Variants in MRPL30 observed in about 807,000 individuals in gnomAD.
The protein encoded by MRPL30 is mitochondrial ribosomal protein L30.
MRPL30 carries 10 observed loss-of-function variants against 17.2 expected under a neutral mutation model. The observed-to-expected ratio is 0.58, with a 90% CI of 0.36 to 0.99. MRPL30 has a LOEUF of 0.99. Ranked by LOEUF, MRPL30 falls within the 50% of genes least tolerant of loss-of-function variation. The probability of loss-of-function intolerance (pLI) is 0.01; values close to 1 mark genes in which losing one functional copy is unlikely to be tolerated. For synonymous variants in MRPL30, 61 were observed against 62.1 expected, an observed-to-expected ratio of 0.98 and a Z score of 0.08; for missense variants, 170 against 189.8, an observed-to-expected ratio of 0.90 and a Z score of 0.61.
In MRPL30 at chr2:99,195,637, A is replaced by G; in HGVS notation, c.418A>G (p.Lys140Glu). ...GGAGAACATGTCTAACACGTGCCTC[A>G]AAAGCACTGGGGAGTTAGTAGTGCA... ...AEENMSNTCL[K>E]STGELVVQWH... The change falls in exon 6 of 6, where the codon AAA becomes GAA. Residue 140 changes from lysine (K) to glutamate (E), a missense_variant. Physicochemically the swap from Lys to Glu is moderately conservative, Grantham distance 56 (BLOSUM62 1). Transcript: ENST00000338148. The G allele has an allele frequency of 1.2e-6, 2 of 1,613,730 alleles. No homozygotes were observed. Among genetic ancestry groups the G allele is most frequent in the Non-Finnish European group, 1.7e-6 (2 of 1,179,934 alleles).
chr2:99,186,991 C>T (rs1050270861), intron 2 of MRPL30: 15 of 152,324 alleles, frequency 9.8e-5, no homozygotes, highest in African/African-American at 3.4e-4. Context: ...AGCCTATTGA[C>T]CTGCTCCTGG....
rs536625959 is a variant in MRPL30, at chr2:99,191,248, A to G, written c.132+2991A>G. Reference sequence around the variant, plus strand: ...TCTTGATCTCCTGACCTCGTGATCCACCCCCCTTGGCCTCCCAAAGTGCTG... The same window carrying G: ...TCTTGATCTCCTGACCTCGTGATCCGCCCCCCTTGGCCTCCCAAAGTGCTG... On this transcript the variant is annotated intron_variant, in intron 3 of 5. Transcript: ENST00000338148. Among the ~76,000 whole-genome samples the G allele has an allele frequency of 2.0e-4, 30 of 150,804 alleles. No homozygotes were observed. The South Asian group carries it at 3.1e-3, about 16-fold the overall frequency.
At chr2:99,187,616 G>C (rs1274363256) in intron 2 of MRPL30, among the ~76,000 whole-genome samples, 1 of 152,124 alleles carries the variant, frequency 6.6e-6, no homozygotes, top group Non-Finnish European at 1.5e-5. Flanking sequence ...ACGAGGTCAG[G>C]AGATCGAGAC....
intron 3 of MRPL30, among the ~76,000 whole-genome samples, chr2:99,194,030 T>C (rs2093951203): frequency 8.4e-6 from 1 of 118,684 alleles, no homozygotes; most frequent in African/African-American, 3.1e-5. Flanking sequence ...AGAGCAAGAC[T>C]CCATCTCAAA....
In MRPL30 at chr2:99,196,833, T is replaced by C. The variant is rs1351100734; in HGVS notation, c.*1128T>C. 2 of 152,236 alleles carry C rather than the reference T, an allele frequency of 1.3e-5. No individual in the cohort carries two copies. Among genetic ancestry groups the C allele is most frequent in the African/African-American group, 2.4e-5 (1 of 41,454 alleles). 9.4% of individuals were successfully genotyped at this position (152,236 alleles called of 1,614,324 possible). On this transcript the variant is annotated 3_prime_UTR_variant, in exon 6 of 6. Coordinates refer to ENST00000338148, the MANE Select transcript of MRPL30 (RefSeq NM_145212.4). ...GTGTCTATAAGTACATATGTGGATA[T>C]GGGTTCATTTTATCCCTAAACTTAG...
chr2:99,190,810 A>G lies in MRPL30; in HGVS notation c.132+2553A>G, dbSNP rs374966726. On this transcript the variant is annotated intron_variant, in intron 3 of 5. Coordinates refer to ENST00000338148, the MANE Select transcript of MRPL30 (RefSeq NM_145212.4). Reference sequence around the variant, plus strand: ...ATAGCTAATGCATACTGGGCTTCATACCTAGGTGATGGGTTGATAAGTGTA... The same window carrying G: ...ATAGCTAATGCATACTGGGCTTCATGCCTAGGTGATGGGTTGATAAGTGTA... 5.3e-5 allele frequency among the ~76,000 whole-genome samples: 8 copies of G among 152,220 alleles called. No homozygotes were observed. In the East Asian group the frequency reaches 1.4e-3, roughly 26 times the overall value.
chr2:99,196,038 G>GC lies in MRPL30; in HGVS notation c.*335dup, dbSNP rs1436227839. The GC allele has an allele frequency of 1.1e-4, 29 of 271,884 alleles. No homozygotes were observed. Among genetic ancestry groups the GC allele is most frequent in the Non-Finnish European group, 1.8e-4 (25 of 142,316 alleles). 16.8% of individuals were successfully genotyped at this position (271,884 alleles called of 1,614,324 possible). A position where few individuals can be genotyped will look rare whatever the true frequency, so the allele number is the denominator to read the frequency against. ...AGAGGTTGCAGTGAGCTGAGATGGT[G>GC]CCACTGTACTCCAGCCTGGGTGATA... On this transcript the variant is annotated 3_prime_UTR_variant, in exon 6 of 6. Coordinates refer to ENST00000338148, the MANE Select transcript of MRPL30 (RefSeq NM_145212.4).
At chr2:99,190,097 C>G (rs982104143) in intron 3 of MRPL30, among the ~76,000 whole-genome samples, 8 of 152,198 alleles carry the variant, frequency 5.3e-5, no homozygotes, top group African/African-American at 1.7e-4. Context: ...TGCACTCCAG[C>G]CTGGACAACA....
In MRPL30 at chr2:99,198,448, T is replaced by A. The variant is rs2105252329; in HGVS notation, c.*2743T>A. Among the ~76,000 whole-genome samples, 3 of 152,290 alleles carry A rather than the reference T, an allele frequency of 2.0e-5. No homozygotes were observed. In the Middle Eastern group the frequency reaches 0.01, roughly 518 times the overall value. Reference sequence around the variant, plus strand: ...CAGCATTGGAGACAGACTAGCAAGATGGGCACTACACTCTTAGATAATCAA... The same window carrying A: ...CAGCATTGGAGACAGACTAGCAAGAAGGGCACTACACTCTTAGATAATCAA... On this transcript the variant is annotated 3_prime_UTR_variant, in exon 6 of 6. Transcript: ENST00000338148.
chr2:99,195,157 T>C lies in MRPL30; in HGVS notation c.321T>C (p.Asn107=), dbSNP rs762681053. The C allele has an allele frequency of 1.2e-6, 2 of 1,607,804 alleles. No homozygotes were observed. Among genetic ancestry groups the C allele is most frequent in the Non-Finnish European group, 8.5e-7 (1 of 1,177,986 alleles). The part of the protein sequence containing the change: ...PQVHKNIPSV[N]AKLKVVKHLI... The stretch of plus-strand genomic sequence containing the variant: ...TTCACAAGAATATCCCTTCAGTGAA[T>C]GCAAAATTGAAAGTAGTTAAGCATT... Residue 107 remains asparagine (N), a synonymous_variant, in exon 5 of 6, where the codon AAT becomes AAC. Transcript: ENST00000338148.
intron 3 of MRPL30, 131 bp from the exon 4 acceptor site, chr2:99,194,620 G>A: frequency 1.3e-6 from 1 of 759,216 alleles, no homozygotes; most frequent in South Asian, 2.0e-5. Context: ...CTGAGGTTGA[G>A]GATTACATGA....
chr2:99,185,997 C>T (rs1020017476), intron 1 of MRPL30, among the ~76,000 whole-genome samples, 180 bp from the exon 2 acceptor site: 4 of 152,174 alleles, frequency 2.6e-5, no homozygotes, highest in African/African-American at 9.7e-5. Flanking sequence ...ATAATTACTA[C>T]CTGTGGTTGA....
At chr2:99,184,994 A>G (rs2093931694) in intron 1 of MRPL30, among the ~76,000 whole-genome samples, 3 of 152,206 alleles carry the variant, frequency 2.0e-5, no homozygotes, top group Admixed American at 2.0e-4. Context: ...TTGCTGGCCC[A>G]TTAGGAACCA....
At chr2:99,195,395 C>A in intron 5 of MRPL30, 178 bp from the exon 6 acceptor site, 1 of 808,350 alleles carries the variant, frequency 1.2e-6, no homozygotes, top group Non-Finnish European at 1.9e-6. Context: ...GTGATCCGAT[C>A]AGGGTAATTG....
chr2:99,195,632 G>T lies in MRPL30; in HGVS notation c.413G>T (p.Cys138Phe). 1 of 1,613,598 alleles carries T rather than the reference G, an allele frequency of 6.2e-7. No individual in the cohort carries two copies. The change falls in exon 6 of 6, where the codon TGC becomes TTC. Residue 138 changes from cysteine to phenylalanine, a missense_variant. Cys to Phe is a radical substitution (Grantham distance 205). Coordinates refer to ENST00000338148, the MANE Select transcript of MRPL30 (RefSeq NM_145212.4). The stretch of plus-strand genomic sequence containing the variant: ...GCAGAGGAGAACATGTCTAACACGT[G>T]CCTCAAAAGCACTGGGGAGTTAGTA... Reference protein sequence around the residue: ...LPAEENMSNTCLKSTGELVVQ... With the variant: ...LPAEENMSNTFLKSTGELVVQ...
chr2:99,187,995 G>A (rs77414549), intron 2 of MRPL30, among the ~76,000 whole-genome samples, 182 bp from the exon 3 acceptor site: 1,686 of 152,218 alleles, frequency 0.011, 34 homozygotes, highest in African/African-American at 0.038. Context: ...ATATTTATAT[G>A]CTTTTAGCTT....
At chr2:99,183,172 G>GA (rs2093928458) in intron 1 of MRPL30, among the ~76,000 whole-genome samples, 1 of 151,974 alleles carries the variant, frequency 6.6e-6, no homozygotes, top group African/African-American at 2.4e-5. Flanking sequence ...ATCAAACAAG[G>GA]GGGGCAGCAT....
chr2:99,194,037 C>CA (rs33944983), intron 3 of MRPL30, among the ~76,000 whole-genome samples: 1,610 of 130,252 alleles, frequency 0.012, 37 homozygotes, highest in African/African-American at 0.035. Context: ...GACTCCATCT[C>CA]AAAAAAAAAA....
At chr2:99,193,911 G>A (rs1321112406) in intron 3 of MRPL30, among the ~76,000 whole-genome samples, 4 of 151,884 alleles carry the variant, frequency 2.6e-5, no homozygotes, top group Non-Finnish European at 4.4e-5. Flanking sequence ...GGTGGTGTGC[G>A]CCTGTAATCC....
Sources: allele counts gnomAD v4.1 joint callset (sites outside exome capture counted in the v4.1 genomes callset), GRCh38; gene constraint gnomAD v4.1.1; transcripts MANE v1.5; gene names NCBI Gene and HGNC (gene_info 2026-07-23, HGNC 2026-07-21).